The following RBFOX1 variants were observed in gnomAD, a reference collection of about 807,000 sequenced individuals.
RBFOX1 encodes the protein RNA binding protein fox-1 homolog 1.
Under a neutral mutation model 57.7 loss-of-function variants are expected in RBFOX1, and 8 were observed. That is an observed-to-expected ratio of 0.14 (90% CI 0.08 to 0.25). The LOEUF is 0.25. Ranked by LOEUF, RBFOX1 falls within the 10% of genes least tolerant of loss-of-function variation. The pLI is 1.00. For missense variants in RBFOX1, 611 were observed against 548.5 expected (o/e 1.11, Z -1.14); for synonymous variants, 326 against 222.4 (o/e 1.47, Z -4.15).
At chr16:6,910,785 C>A (rs936827208) in intron 3 of RBFOX1, among the ~76,000 whole-genome samples, 2 of 152,200 alleles carry the variant, frequency 1.3e-5, no homozygotes, top group Non-Finnish European at 2.9e-5. Flanking sequence ...GATCCTACGT[C>A]TGAGAATGAG....
chr16:7,016,481 G>C (rs1215512618), intron 3 of RBFOX1, among the ~76,000 whole-genome samples: 2 of 152,148 alleles, frequency 1.3e-5, no homozygotes, highest in African/African-American at 2.4e-5. Context: ...CTAAGTCACT[G>C]AACTGCCGTG....
At chr16:7,280,478 G>A (rs1246472595) in intron 4 of RBFOX1, among the ~76,000 whole-genome samples, 2 of 152,144 alleles carry the variant, frequency 1.3e-5, no homozygotes, top group Admixed American at 6.5e-5. Flanking sequence ...TAGATAAGAG[G>A]GAGGCCCATG....
chr16:6,006,967 T>C (rs976832122), intron 4 of RBFOX1, among the ~76,000 whole-genome samples: 9 of 152,192 alleles, frequency 5.9e-5, no homozygotes, highest in Non-Finnish European at 1.2e-4. Flanking sequence ...TATATCTCAC[T>C]GGAACCAAGC....
chr16:5,984,985 T>A (rs1376247155), intron 4 of RBFOX1, among the ~76,000 whole-genome samples: 6 of 133,280 alleles, frequency 4.5e-5, no homozygotes, highest in East Asian at 2.2e-4. Context: ...TATTTTTTTT[T>A]TTTTTTTTTT....
intron 4 of RBFOX1, among the ~76,000 whole-genome samples, chr16:7,055,190 A>T (rs1460349454): frequency 6.6e-6 from 1 of 152,202 alleles, no homozygotes; most frequent in Non-Finnish European, 1.5e-5. Context: ...ATTTGCAAAA[A>T]TGAAATACAA....
At chr16:6,658,861 G>A (rs1259591058) in intron 3 of RBFOX1, among the ~76,000 whole-genome samples, 2 of 152,008 alleles carry the variant, frequency 1.3e-5, no homozygotes, top group Non-Finnish European at 2.9e-5. Context: ...AGATCCTAAG[G>A]GATGGTGGAG....
chr16:6,243,387 A>G (rs553999577), intron 1 of RBFOX1, among the ~76,000 whole-genome samples: 77 of 152,258 alleles, frequency 5.1e-4, no homozygotes, highest in Non-Finnish European at 9.1e-4. Flanking sequence ...GCATATTCCA[A>G]TGTTCTTCCA....
intron 3 of RBFOX1, among the ~76,000 whole-genome samples, chr16:5,607,181 C>A (rs7202260): frequency 1.2e-4 from 19 of 152,160 alleles, no homozygotes; most frequent in Non-Finnish European, 2.2e-4. Context: ...GCTAATGTGC[C>A]TTCTACAGCG....
chr16:7,278,506 AC>A (rs2095483317), intron 4 of RBFOX1, among the ~76,000 whole-genome samples: 1 of 152,174 alleles, frequency 6.6e-6, no homozygotes. Flanking sequence ...TTACCAGCAT[AC>A]CTTTTAAGAA....
chr16:5,365,677 G>T, intron 1 of RBFOX1: 1 of 341,302 alleles, frequency 2.9e-6, no homozygotes, highest in Non-Finnish European at 5.6e-6. Flanking sequence ...CAGTAAATAA[G>T]TAAAAAAAAT....
intron 4 of RBFOX1, among the ~76,000 whole-genome samples, chr16:5,993,619 G>T (rs540311764): frequency 9.9e-5 from 15 of 152,210 alleles, no homozygotes; most frequent in Non-Finnish European, 2.1e-4. Flanking sequence ...ATATGTTTAA[G>T]ATTAATGAGG....
chr16:7,670,610 A>C (rs1361099030), intron 13 of RBFOX1, among the ~76,000 whole-genome samples: 1 of 152,166 alleles, frequency 6.6e-6, no homozygotes, highest in African/African-American at 2.4e-5. Context: ...GAGCGAAAGG[A>C]GGAGAGAGAG....
chr16:5,768,811 G>A (rs575431489), intron 3 of RBFOX1, among the ~76,000 whole-genome samples: 2 of 152,104 alleles, frequency 1.3e-5, no homozygotes, highest in African/African-American at 2.4e-5. Flanking sequence ...TCCCCTCCAC[G>A]GAACATGGGT....
At chr16:5,944,191 C>A (rs1363476396) in intron 4 of RBFOX1, among the ~76,000 whole-genome samples, 1 of 152,160 alleles carries the variant, frequency 6.6e-6, no homozygotes, top group Non-Finnish European at 1.5e-5. Context: ...GATGTGTGAA[C>A]AATGATAAGA....
At chr16:7,481,028 T>C (rs576651466) in intron 4 of RBFOX1, among the ~76,000 whole-genome samples, 42 of 152,304 alleles carry the variant, frequency 2.8e-4, no homozygotes, top group Middle Eastern at 3.4e-3. Context: ...CAAAGAACCC[T>C]AGCTCTTGAG....
chr16:6,188,656 A>C (rs1377817479), intron 1 of RBFOX1, among the ~76,000 whole-genome samples: 1 of 152,206 alleles, frequency 6.6e-6, no homozygotes, highest in Non-Finnish European at 1.5e-5. Context: ...TTAAATTAAA[A>C]AGTATAAAGC....
intron 2 of RBFOX1, among the ~76,000 whole-genome samples, chr16:6,553,607 G>A (rs991659209): frequency 2.0e-5 from 3 of 152,202 alleles, no homozygotes; most frequent in Non-Finnish European, 4.4e-5. Flanking sequence ...TTGCCATGGA[G>A]GTGAGAGTAG....
At chr16:6,952,753 G>A (rs7404630) in intron 3 of RBFOX1, among the ~76,000 whole-genome samples, 22,052 of 152,038 alleles carry the variant, frequency 0.15, 1,952 homozygotes, top group Non-Finnish European at 0.19. Context: ...TGAAGCGGGC[G>A]GATCACGAGG....
chr16:7,660,212 A>T (rs2067361147), intron 12 of RBFOX1, among the ~76,000 whole-genome samples: 1 of 152,182 alleles, frequency 6.6e-6, no homozygotes, highest in Non-Finnish European at 1.5e-5. Flanking sequence ...TCAAATATTT[A>T]ACTACTGGTA....
Sources: allele counts gnomAD v4.1 joint callset (sites outside exome capture counted in the v4.1 genomes callset), GRCh38; gene constraint gnomAD v4.1.1; transcripts MANE v1.5; gene names NCBI Gene and HGNC (gene_info 2026-07-23, HGNC 2026-07-21).